Variants in EYS observed in about 807,000 individuals in gnomAD.
EYS encodes the protein EGF-like photoreceptor maintenance factor.
In EYS, 250 loss-of-function variants were observed where a neutral mutation model predicts 282.1. That is an observed-to-expected ratio of 0.89 (90% CI 0.80 to 0.98). The LOEUF (loss-of-function observed/expected upper bound fraction) is 0.98. Ranked by LOEUF, EYS falls within the 50% of genes least tolerant of loss-of-function variation. The pLI is 0.00. For missense variants in EYS, 4,016 were observed against 3,709.0 expected, an observed-to-expected ratio of 1.08 and a Z score of -2.15; for synonymous variants, 1,355 against 1,282.9, an observed-to-expected ratio of 1.06 and a Z score of -1.20.
At chr6:64,988,100 C>CA (rs938188121) in intron 14 of EYS, among the ~76,000 whole-genome samples, 18 of 150,714 alleles carry the variant, frequency 1.2e-4, no homozygotes, top group Non-Finnish European at 2.4e-4. Context: ...ACAGCAGCTA[C>CA]AGGAAGGGAG....
intron 33 of EYS, among the ~76,000 whole-genome samples, chr6:64,011,540 T>C (rs1768629122): frequency 6.6e-6 from 1 of 151,590 alleles, no homozygotes; most frequent in East Asian, 1.9e-4. Context: ...ATCTGTCTCA[T>C]ATTTTTTTTT....
intron 31 of EYS, among the ~76,000 whole-genome samples, chr6:64,137,675 C>T (rs1408395549): frequency 1.3e-5 from 2 of 152,106 alleles, no homozygotes; most frequent in Non-Finnish European, 2.9e-5. Flanking sequence ...AGTCAGAACA[C>T]TCACAATATG....
intron 7 of EYS, among the ~76,000 whole-genome samples, chr6:65,390,312 A>C (rs1309118039): frequency 3.3e-5 from 5 of 151,424 alleles, no homozygotes; most frequent in Admixed American, 1.3e-4. Flanking sequence ...CATTTAGTAA[A>C]GGATAAGCAG....
chr6:64,507,500 A>AAGG (rs1777248884), intron 26 of EYS, among the ~76,000 whole-genome samples: 1 of 152,208 alleles, frequency 6.6e-6, no homozygotes, highest in South Asian at 2.1e-4. Context: ...TTCATCATAT[A>AAGG]AGGCATCTTT....
intron 13 of EYS, among the ~76,000 whole-genome samples, chr6:65,012,307 A>C (rs1318052213): frequency 6.6e-6 from 1 of 152,186 alleles, no homozygotes; most frequent in Non-Finnish European, 1.5e-5. Context: ...TCAACAAAGC[A>C]ACATTATTAT....
At chr6:64,007,512 T>G (rs1768408070) in intron 33 of EYS, among the ~76,000 whole-genome samples, 1 of 152,146 alleles carries the variant, frequency 6.6e-6, no homozygotes, top group African/African-American at 2.4e-5. Context: ...CTGATTTTGA[T>G]TATTTCTTGT....
rs554587548 is a variant in EYS, at chr6:65,225,187, G to T, written c.2023+70676C>A. ...CTTTTCAATATATGTATAATATATA[G>T]AAAAATACAGAGAATTGAAATATAA... On this transcript the variant is annotated intron_variant, in intron 12 of 42. Coordinates refer to ENST00000503581, the MANE Select transcript of EYS (RefSeq NM_001142800.2). 8.0e-5 allele frequency among the ~76,000 whole-genome samples: 12 copies of T among 150,860 alleles called. No individual in the cohort carries two copies. In the South Asian group the frequency reaches 2.5e-3, roughly 31 times the overall value.
chr6:64,206,995 C>T (rs1264351541), intron 31 of EYS, among the ~76,000 whole-genome samples: 2 of 152,086 alleles, frequency 1.3e-5, no homozygotes, highest in African/African-American at 4.8e-5. Context: ...CCGTAATAGG[C>T]CCCAGTGCGT....
intron 11 of EYS, among the ~76,000 whole-genome samples, chr6:65,305,656 T>C (rs1432636036): frequency 1.3e-5 from 2 of 152,180 alleles, no homozygotes; most frequent in Non-Finnish European, 2.9e-5. Context: ...TAATTTTCTA[T>C]TTCTGGGATT....
intron 29 of EYS, among the ~76,000 whole-genome samples, chr6:64,335,809 G>A (rs1770828756): frequency 6.6e-6 from 1 of 152,082 alleles, no homozygotes; most frequent in Non-Finnish European, 1.5e-5. Flanking sequence ...AGAGTAGATT[G>A]AGGCCCTATC....
intron 33 of EYS, among the ~76,000 whole-genome samples, chr6:64,031,774 G>A (rs559949214): frequency 2.6e-5 from 4 of 152,254 alleles, no homozygotes; most frequent in Non-Finnish European, 4.4e-5. Flanking sequence ...TGGTGGGGAC[G>A]TGGAGAACAT....
intron 12 of EYS, among the ~76,000 whole-genome samples, chr6:65,153,014 GC>G (rs1334485398): frequency 6.7e-6 from 1 of 149,544 alleles, no homozygotes; most frequent in Non-Finnish European, 1.5e-5. Flanking sequence ...ACTGCAACTT[GC>G]CTCCCGTGTT....
At chr6:64,387,759 ATC>A (rs1772961200) in intron 29 of EYS, among the ~76,000 whole-genome samples, 1 of 152,162 alleles carries the variant, frequency 6.6e-6, no homozygotes, top group Non-Finnish European at 1.5e-5. Context: ...AATGGAGTAA[ATC>A]TGAATCTAAA....
intron 22 of EYS, among the ~76,000 whole-genome samples, chr6:64,733,004 A>T (rs1242515753): frequency 6.6e-6 from 1 of 152,168 alleles, no homozygotes; most frequent in Non-Finnish European, 1.5e-5. Context: ...ATATCCCCTA[A>T]TTGTGGTATT....
intron 28 of EYS, among the ~76,000 whole-genome samples, chr6:64,389,401 C>G (rs1262213663): frequency 6.6e-6 from 1 of 152,082 alleles, no homozygotes; most frequent in African/African-American, 2.4e-5. Context: ...ATGAAAAAGA[C>G]AAAATACTTT....
intron 12 of EYS, among the ~76,000 whole-genome samples, chr6:65,083,407 C>T (rs1774279091): frequency 6.6e-6 from 1 of 151,882 alleles, no homozygotes; most frequent in Non-Finnish European, 1.5e-5. Context: ...CTATAGGTAG[C>T]ATCCAACATT....
intron 28 of EYS, among the ~76,000 whole-genome samples, chr6:64,403,814 A>T (rs983082095): frequency 6.6e-6 from 1 of 152,216 alleles, no homozygotes; most frequent in South Asian, 2.1e-4. Flanking sequence ...ATAAAGCAAG[A>T]CTGCTTATGT....
intron 2 of EYS, among the ~76,000 whole-genome samples, chr6:65,518,932 G>A (rs1268359572): frequency 2.0e-5 from 3 of 152,068 alleles, no homozygotes; most frequent in Admixed American, 1.3e-4. Flanking sequence ...CCCATGACAC[G>A]TGGAAATTAT....
intron 22 of EYS, among the ~76,000 whole-genome samples, chr6:64,653,670 T>C (rs1768644176): frequency 6.6e-6 from 1 of 151,562 alleles, no homozygotes; most frequent in South Asian, 2.1e-4. Context: ...GCTCAAGCAA[T>C]CCTCCTGCTT....
Sources: allele counts gnomAD v4.1 joint callset (sites outside exome capture counted in the v4.1 genomes callset), GRCh38; gene constraint gnomAD v4.1.1; transcripts MANE v1.5; gene names NCBI Gene and HGNC (gene_info 2026-07-23, HGNC 2026-07-21).